The following PRKCE variants were observed in gnomAD, a reference collection of about 807,000 sequenced individuals.
PRKCE encodes the protein protein kinase C epsilon type.
A neutral mutation model predicts 85.4 loss-of-function variants in PRKCE; 16 were observed. The observed-to-expected ratio is 0.19, with a 90% confidence interval of 0.13 to 0.28. PRKCE has a LOEUF of 0.28. Ranked by LOEUF, PRKCE falls within the 10% of genes least tolerant of loss-of-function variation. The probability of loss-of-function intolerance (pLI) is 1.00; values close to 1 mark genes in which losing one functional copy is unlikely to be tolerated. For synonymous variants in PRKCE, 388 were observed against 371.5 expected, an observed-to-expected ratio of 1.04 and a Z score of -0.51; for missense variants, 573 against 975.2, an observed-to-expected ratio of 0.59 and a Z score of 5.49.
At chr2:45,755,781 T>C (rs1683954333) in intron 1 of PRKCE, among the ~76,000 whole-genome samples, 1 of 152,214 alleles carries the variant, frequency 6.6e-6, no homozygotes, top group Non-Finnish European at 1.5e-5. Context: ...AATGCAAGGC[T>C]GCTGGGCTTA....
chr2:45,671,787 G>C (rs562553530), intron 1 of PRKCE, among the ~76,000 whole-genome samples: 1 of 152,246 alleles, frequency 6.6e-6, no homozygotes, highest in Admixed American at 6.5e-5. Context: ...ATCCAGTAGA[G>C]GACAGGTATG....
chr2:46,040,396 C>T (rs908823463), intron 10 of PRKCE, among the ~76,000 whole-genome samples: 3 of 152,092 alleles, frequency 2.0e-5, no homozygotes, highest in East Asian at 1.9e-4. Context: ...GGCAGAGCAC[C>T]GTGAATACCT....
At chr2:45,884,989 A>T (rs1298344155) in intron 2 of PRKCE, among the ~76,000 whole-genome samples, 5,083 of 61,576 alleles carry the variant, frequency 0.083, 481 homozygotes, top group East Asian at 0.47. Flanking sequence ...ATATATATAT[A>T]TATATATATA....
chr2:46,006,399 C>T (rs1020311500), intron 8 of PRKCE, among the ~76,000 whole-genome samples: 1 of 152,114 alleles, frequency 6.6e-6, no homozygotes, highest in African/African-American at 2.4e-5. Context: ...CAGCTTTCCC[C>T]GTCTTCACCC....
At position 45,873,844 on chromosome 2, in the gene PRKCE, C is replaced by T. The variant is rs927195377; in HGVS notation, c.412+30781C>T. Among the ~76,000 whole-genome samples the T allele has an allele frequency of 5.3e-5, 8 of 152,346 alleles. No homozygotes were observed. The East Asian group carries it at 1.5e-3, about 29-fold the overall frequency. On this transcript the variant is annotated intron_variant, in intron 2 of 14. Coordinates refer to ENST00000306156, the MANE Select transcript of PRKCE (RefSeq NM_005400.3). The stretch of plus-strand genomic sequence containing the variant: ...GTTTACCAGAGGATGCCTATAACCA[C>T]CCACTCCGCCCCAAAAAAACCAACT...
intron 13 of PRKCE, among the ~76,000 whole-genome samples, chr2:46,158,766 G>A (rs143277417): frequency 1.2e-4 from 18 of 152,006 alleles, no homozygotes; most frequent in South Asian, 4.2e-4. Flanking sequence ...CCATTATTTC[G>A]GGTAGCTATC....
chr2:45,778,671 T>A (rs1377614566), intron 1 of PRKCE, among the ~76,000 whole-genome samples: 3 of 152,198 alleles, frequency 2.0e-5, no homozygotes, highest in African/African-American at 7.2e-5. Flanking sequence ...TCCACTATCA[T>A]GGGGAAATTA....
intron 2 of PRKCE, among the ~76,000 whole-genome samples, chr2:45,951,890 G>A (rs545213923): frequency 1.3e-5 from 2 of 152,264 alleles, no homozygotes; most frequent in East Asian, 3.9e-4. Flanking sequence ...TGGAGCACAG[G>A]GGCGCCATCT....
intron 1 of PRKCE, among the ~76,000 whole-genome samples, chr2:45,744,402 TC>T (rs1311898101): frequency 6.6e-6 from 1 of 151,026 alleles, no homozygotes; most frequent in Non-Finnish European, 1.5e-5. Context: ...GGTCTTTCTC[TC>T]TTTCTTTTCT....
At chr2:46,066,679 G>T (rs931644066) in intron 10 of PRKCE, among the ~76,000 whole-genome samples, 1 of 152,182 alleles carries the variant, frequency 6.6e-6, no homozygotes, top group Non-Finnish European at 1.5e-5. Flanking sequence ...GTGCTCTTAG[G>T]CTACAGGCAA....
chr2:45,982,449 C>G (rs1381301754), intron 5 of PRKCE, among the ~76,000 whole-genome samples: 2 of 152,348 alleles, frequency 1.3e-5, no homozygotes, highest in Admixed American at 6.5e-5. Context: ...CCGGTCCCCC[C>G]CATCTCATGT....
chr2:46,152,387 G>A (rs992689580), intron 13 of PRKCE, among the ~76,000 whole-genome samples: 1 of 151,904 alleles, frequency 6.6e-6, no homozygotes, highest in Admixed American at 6.6e-5. Context: ...TCACCATGTT[G>A]GCCAGGCTGG....
chr2:45,947,178 G>A (rs1349812784), intron 2 of PRKCE, among the ~76,000 whole-genome samples: 1 of 152,220 alleles, frequency 6.6e-6, no homozygotes, highest in Admixed American at 6.5e-5. Context: ...CAATATGGAT[G>A]AACCTTAATC....
chr2:45,943,337 C>G (rs1190969390), intron 2 of PRKCE, among the ~76,000 whole-genome samples: 1 of 152,250 alleles, frequency 6.6e-6, no homozygotes, highest in African/African-American at 2.4e-5. Flanking sequence ...AGCGTCTAAG[C>G]CAGCACATAG....
intron 2 of PRKCE, among the ~76,000 whole-genome samples, chr2:45,968,577 A>G (rs1344129539): frequency 6.6e-6 from 1 of 152,252 alleles, no homozygotes; most frequent in Non-Finnish European, 1.5e-5. Context: ...CTTCGCTACC[A>G]TGTCATTCAT....
rs1211050936 is a variant in PRKCE, at chr2:45,786,397, G to A, written c.349-56603G>A. 6.6e-6 allele frequency among the ~76,000 whole-genome samples: 1 copy of A among 152,162 alleles called. No homozygotes were observed. The highest frequency in any genetic ancestry group is 1.5e-5 in the Non-Finnish European group (1 of 68,046). The stretch of plus-strand genomic sequence containing the variant: ...GGGTTCCAAGAAAACTGTGACATCA[G>A]TGAAGTTTGTATTCCCTACCGCAAC... On this transcript the variant is annotated intron_variant, in intron 1 of 14. Transcript: ENST00000306156. The surrounding 1 kb of genome is among the most constrained non-coding windows in gnomAD (Gnocchi z 5.3).
intron 2 of PRKCE, among the ~76,000 whole-genome samples, chr2:45,865,733 C>T (rs1458195823): frequency 1.3e-5 from 2 of 151,752 alleles, no homozygotes; most frequent in African/African-American, 4.8e-5. Context: ...CAGCCCTCAT[C>T]AAACAACTGA....
intron 2 of PRKCE, among the ~76,000 whole-genome samples, chr2:45,916,800 G>C (rs927956577): frequency 1.3e-5 from 2 of 152,186 alleles, no homozygotes; most frequent in African/African-American, 4.8e-5. Flanking sequence ...CAAGAATGAA[G>C]CCGTGGACCC....
rs552848519 is a variant in PRKCE at position 45,883,067 on chromosome 2, G to GA, written c.412+40010dup. On this transcript the variant is annotated intron_variant, in intron 2 of 14. Coordinates refer to ENST00000306156, the MANE Select transcript of PRKCE (RefSeq NM_005400.3). The stretch of plus-strand genomic sequence containing the variant: ...TAAATTTTAGTTGGGTAAAAAATGG[G>GA]AAAAAAGCCTTCTATCTTCAAATTC... Among the ~76,000 whole-genome samples the GA allele has an allele frequency of 1.2e-4, 18 of 152,284 alleles. No homozygotes were observed. In the South Asian group the frequency reaches 3.5e-3, roughly 30 times the overall value.
Sources: gnomAD v4.1 joint callset for allele counts (sites outside exome capture counted in the v4.1 genomes callset) on GRCh38, gnomAD v4.1.1 for gene constraint, Gnocchi (gnomAD v3.1) non-coding constraint, MANE v1.5 for transcripts, NCBI Gene and HGNC (gene_info 2026-07-23, HGNC 2026-07-21) for gene names.